COBL: variants seen among roughly 807,000 people sequenced by gnomAD.
COBL encodes the protein protein cordon-bleu.
COBL carries 51 observed loss-of-function variants against 98.8 expected under a neutral mutation model. That is an observed-to-expected ratio of 0.52 (90% CI 0.41 to 0.65). The LOEUF (loss-of-function observed/expected upper bound fraction) is 0.65. Ranked by LOEUF, COBL falls within the 30% of genes least tolerant of loss-of-function variation. The probability of loss-of-function intolerance (pLI) is 0.00; values close to 1 mark genes in which losing one functional copy is unlikely to be tolerated. For synonymous variants in COBL, 634 were observed against 651.7 expected, an observed-to-expected ratio of 0.97 and a Z score of 0.41; for missense variants, 1,617 against 1,617.5, an observed-to-expected ratio of 1.00 and a Z score of 0.01.
chr7:51,247,445 G>A (rs12673454), intron 1 of COBL, among the ~76,000 whole-genome samples: 34,224 of 152,140 alleles, frequency 0.22, 4,541 homozygotes, highest in East Asian at 0.6. Context: ...AATTGGAAAC[G>A]AAATAGGAAT....
At chr7:51,254,976 T>C (rs1452958384) in intron 1 of COBL, among the ~76,000 whole-genome samples, 1 of 152,214 alleles carries the variant, frequency 6.6e-6, no homozygotes, top group Non-Finnish European at 1.5e-5. Flanking sequence ...TCAATCTCTA[T>C]GTATCCCTCC....
At chr7:51,210,998 A>G (rs1402191918) in intron 2 of COBL, among the ~76,000 whole-genome samples, 1 of 152,132 alleles carries the variant, frequency 6.6e-6, no homozygotes, top group East Asian at 1.9e-4. Flanking sequence ...TTTTCCTTAC[A>G]CGCTCATCAG....
chr7:51,084,898 T>C (rs543900623), intron 7 of COBL, among the ~76,000 whole-genome samples: 22 of 152,160 alleles, frequency 1.4e-4, no homozygotes, highest in African/African-American at 4.3e-4. Flanking sequence ...AGGCTTTCCA[T>C]TTTCACCCTC....
chr7:51,024,613 G>A (rs1378768528), intron 12 of COBL, among the ~76,000 whole-genome samples: 2 of 152,112 alleles, frequency 1.3e-5, no homozygotes, highest in Non-Finnish European at 2.9e-5. Flanking sequence ...TTCAGATTCC[G>A]TAACTGTCCA....
intron 1 of COBL, among the ~76,000 whole-genome samples, chr7:51,243,159 G>A (rs116705073): frequency 0.014 from 2,106 of 152,336 alleles, 62 homozygotes; most frequent in African/African-American, 0.048. Context: ...AAGAGAACAC[G>A]TTCAAGCCAA....
chr7:51,137,500 A>T lies in COBL; in HGVS notation c.784-1169T>A, dbSNP rs112358271. 3.6e-3 allele frequency among the ~76,000 whole-genome samples: 548 copies of T among 152,110 alleles called. 1 individual carries two copies. Among genetic ancestry groups the T allele is most frequent in the Non-Finnish European group, 6.8e-3 (462 of 67,974 alleles). On this transcript the variant is annotated intron_variant, in intron 5 of 12. Transcript: ENST00000265136. ...TTTAGTGCTAGCTACTTGGGATGCT[A>T]AGGTGGGAGGATCTCTTGAGCCTGA...
At chr7:51,172,455 C>A (rs866855609) in intron 5 of COBL, 1 of 1,288,008 alleles carries the variant, frequency 7.8e-7, no homozygotes, top group Non-Finnish European at 1.0e-6. Context: ...TTAGTACTCA[C>A]GTTCAAACCC....
At chr7:51,192,353 ATC>A (rs1212471486) in intron 3 of COBL, among the ~76,000 whole-genome samples, 8 of 152,188 alleles carry the variant, frequency 5.3e-5, no homozygotes, top group Admixed American at 2.0e-4. Context: ...CAGGCCTGTA[ATC>A]CCAGCACTTT....
intron 4 of COBL, among the ~76,000 whole-genome samples, chr7:51,189,368 T>A (rs1032437771): frequency 1.2e-4 from 19 of 152,196 alleles, no homozygotes; most frequent in Admixed American, 1.2e-3. Context: ...GCGCAGTGGC[T>A]CAGGCCTGTA....
intron 5 of COBL, among the ~76,000 whole-genome samples, chr7:51,180,958 C>T (rs973323672): frequency 2.6e-5 from 4 of 152,172 alleles, no homozygotes; most frequent in African/African-American, 9.6e-5. Context: ...TCTGAGAAAA[C>T]TAAAATGGTA....
chr7:51,198,091 T>C (rs1434218863), intron 2 of COBL, among the ~76,000 whole-genome samples: 1 of 152,320 alleles, frequency 6.6e-6, no homozygotes, highest in African/African-American at 2.4e-5. Flanking sequence ...ACTTGTTTAG[T>C]GGTTGCTTTA....
chr7:51,204,879 C>T (rs1051331058), intron 2 of COBL, among the ~76,000 whole-genome samples: 1 of 151,858 alleles, frequency 6.6e-6, no homozygotes, highest in Non-Finnish European at 1.5e-5. Context: ...TATACATAAA[C>T]CATTTAAAAA....
chr7:51,066,883 G>A (rs1791986362), intron 7 of COBL, among the ~76,000 whole-genome samples: 1 of 152,244 alleles, frequency 6.6e-6, no homozygotes, highest in South Asian at 2.1e-4. Flanking sequence ...TGAGGTTTGA[G>A]TTTACTAACA....
chr7:51,206,995 A>G (rs1375317112), intron 2 of COBL, among the ~76,000 whole-genome samples: 1 of 152,222 alleles, frequency 6.6e-6, no homozygotes, highest in African/African-American at 2.4e-5. Context: ...GAAATGTGCT[A>G]AGAGAGTCAA....
chr7:51,054,098 T>C (rs1790492737), intron 7 of COBL, among the ~76,000 whole-genome samples: 1 of 152,188 alleles, frequency 6.6e-6, no homozygotes, highest in African/African-American at 2.4e-5. Flanking sequence ...GAAGAATTGC[T>C]TGAACCCAGG....
At chr7:51,030,745 G>A (rs941412597) in intron 9 of COBL, 67 bp downstream of exon 9, 1 of 976,490 alleles carries the variant, frequency 1.0e-6, no homozygotes, top group South Asian at 1.4e-5. Flanking sequence ...TATGCTCAGA[G>A]GAAGTTACTG....
At chr7:51,220,473 C>T (rs549290720) in intron 1 of COBL, among the ~76,000 whole-genome samples, 95 of 152,232 alleles carry the variant, frequency 6.2e-4, no homozygotes, top group Non-Finnish European at 7.2e-4. Context: ...ACACGGCCAC[C>T]GTGGACAGAT....
intron 1 of COBL, among the ~76,000 whole-genome samples, chr7:51,269,655 T>C (rs1486910162): frequency 6.6e-6 from 1 of 152,196 alleles, no homozygotes; most frequent in East Asian, 1.9e-4. Context: ...GGACAGCAAA[T>C]GCCACAGCCA....
chr7:51,091,487 A>G (rs1032014540), intron 6 of COBL, among the ~76,000 whole-genome samples: 20 of 151,876 alleles, frequency 1.3e-4, no homozygotes, highest in Admixed American at 1.2e-3. Flanking sequence ...GTAAAGGAAT[A>G]AAAAAAAATT....
Sources: gnomAD v4.1 joint callset for allele counts (sites outside exome capture counted in the v4.1 genomes callset) on GRCh38, gnomAD v4.1.1 for gene constraint, MANE v1.5 for transcripts, NCBI Gene and HGNC (gene_info 2026-07-23, HGNC 2026-07-21) for gene names.